The following CLSTN2 variants were observed in gnomAD, a reference collection of about 807,000 sequenced individuals.
CLSTN2 encodes the protein calsyntenin-2.
Under a neutral mutation model 101.2 loss-of-function variants are expected in CLSTN2, and 48 were observed. That is an observed-to-expected ratio of 0.47 (90% CI 0.38 to 0.60). The LOEUF (loss-of-function observed/expected upper bound fraction) is 0.60. Among genes scored for constraint, CLSTN2 ranks in the 20% least tolerant of loss-of-function variants. The pLI, the probability that CLSTN2 is intolerant of heterozygous loss-of-function variation, is 0.00. For missense variants in CLSTN2, 1,160 were observed against 1,238.2 expected, an observed-to-expected ratio of 0.94 and a Z score of 0.95; for synonymous variants, 481 against 463.6, an observed-to-expected ratio of 1.04 and a Z score of -0.48.
At chr3:140,456,623 C>A (rs1228803418) in intron 6 of CLSTN2, among the ~76,000 whole-genome samples, 2 of 151,980 alleles carry the variant, frequency 1.3e-5, no homozygotes, top group African/African-American at 4.8e-5. Context: ...CCCATCTCTT[C>A]TAAAAATACA....
chr3:140,278,013 G>A (rs1390184129), intron 2 of CLSTN2, among the ~76,000 whole-genome samples: 5 of 152,168 alleles, frequency 3.3e-5, no homozygotes, highest in Non-Finnish European at 2.9e-5. Context: ...CTTAAAGACC[G>A]GCTGTCAGTC....
At chr3:140,096,416 G>A (rs2008870363) in intron 1 of CLSTN2, among the ~76,000 whole-genome samples, 1 of 152,194 alleles carries the variant, frequency 6.6e-6, no homozygotes. Context: ...ACGTGCCAGA[G>A]GATAAATGTC....
At chr3:140,028,720 G>A (rs2007475108) in intron 1 of CLSTN2, among the ~76,000 whole-genome samples, 1 of 152,172 alleles carries the variant, frequency 6.6e-6, no homozygotes, top group Admixed American at 6.5e-5. Flanking sequence ...AATGGTCCCT[G>A]AATGTCTTCT....
At chr3:140,077,370 G>A (rs1190238323) in intron 1 of CLSTN2, among the ~76,000 whole-genome samples, 1 of 152,186 alleles carries the variant, frequency 6.6e-6, no homozygotes. Context: ...ACAGCAGGCT[G>A]ATTGGCTTAT....
intron 6 of CLSTN2, among the ~76,000 whole-genome samples, chr3:140,458,001 C>T (rs1933447077): frequency 6.6e-6 from 1 of 152,192 alleles, no homozygotes; most frequent in Admixed American, 6.5e-5. Context: ...GATACATGCT[C>T]TTCACATAGC....
chr3:140,526,587 CA>C (rs2107776383), intron 8 of CLSTN2, among the ~76,000 whole-genome samples: 1 of 122,118 alleles, frequency 8.2e-6, no homozygotes, highest in Non-Finnish European at 1.7e-5. Context: ...ATGAAACAAA[CA>C]AACAAACAAA....
At chr3:140,436,732 G>A (rs1325238965) in intron 5 of CLSTN2, among the ~76,000 whole-genome samples, 3 of 152,214 alleles carry the variant, frequency 2.0e-5, no homozygotes, top group Non-Finnish European at 4.4e-5. Flanking sequence ...CCTGTCTGGG[G>A]CCTCTAAAAA....
At chr3:140,518,807 G>C (rs1934971469) in intron 8 of CLSTN2, among the ~76,000 whole-genome samples, 1 of 152,184 alleles carries the variant, frequency 6.6e-6, no homozygotes, top group South Asian at 2.1e-4. Flanking sequence ...CCAAGTGGGA[G>C]CTGCAAGTTA....
intron 2 of CLSTN2, among the ~76,000 whole-genome samples, chr3:140,266,550 T>C (rs2086695275): frequency 6.6e-6 from 1 of 152,220 alleles, no homozygotes; most frequent in Admixed American, 6.5e-5. Flanking sequence ...ACTGGTATTC[T>C]GTTTACCTAT....
In CLSTN2 at chr3:140,127,063, T is replaced by TTATATGTATCATATGTC. The variant is rs1252150703; in HGVS notation, c.110-48888_110-48887insTATATGTATCATATGTC. Among the ~76,000 whole-genome samples, 1,129 of 147,014 alleles carry TTATATGTATCATATGTC rather than the reference T, an allele frequency of 7.7e-3. 9 individuals carry two copies. Among genetic ancestry groups the TTATATGTATCATATGTC allele is most frequent in the African/African-American group, 0.027 (1,064 of 39,018 alleles). ...GTGTCATTATATGTATCATATGTCA[T>TTATATGTATCATATGTC]ATATATATATGTCATTCCTTCTCAC... is the stretch of plus-strand genomic sequence containing the variant. On this transcript the variant is annotated intron_variant, in intron 1 of 16. Transcript: ENST00000458420.
At chr3:140,344,910 C>G (rs563282468) in intron 2 of CLSTN2, among the ~76,000 whole-genome samples, 9 of 152,340 alleles carry the variant, frequency 5.9e-5, no homozygotes, top group African/African-American at 2.2e-4. Flanking sequence ...CTTCTCTACA[C>G]TGATGGCTCT....
chr3:140,473,820 C>T (rs1176080623), intron 8 of CLSTN2, among the ~76,000 whole-genome samples: 4 of 151,842 alleles, frequency 2.6e-5, no homozygotes, highest in East Asian at 3.9e-4. Context: ...TGCAGTGGTG[C>T]GATCTTGGCT....
rs188947546 is a variant in CLSTN2, at chr3:140,436,895, A to C, written c.788-11624A>C. Among the ~76,000 whole-genome samples the C allele has an allele frequency of 1.1e-4, 17 of 152,210 alleles. 1 individual carries two copies. The highest frequency in any genetic ancestry group is 3.4e-3 in the Middle Eastern group (1 of 294). ...TTTAGTAACAAGGCTCTGCTGGTGG[A>C]CAGTGCTGAGAAAGCTGTGTTCCCT... On this transcript the variant is annotated intron_variant, in intron 5 of 16. Transcript: ENST00000458420.
rs746385044 is a variant in CLSTN2, at chr3:140,403,620, C to T, written c.233-9C>T. The T allele has an allele frequency of 1.3e-6, 2 of 1,599,206 alleles. No individual in the cohort carries two copies. Among genetic ancestry groups the T allele is most frequent in the Non-Finnish European group, 1.7e-6 (2 of 1,171,450 alleles). On this transcript the variant is annotated splice_polypyrimidine_tract_variant and intron_variant, in intron 2 of 16. Transcript: ENST00000458420. Reference sequence around the variant, plus strand: ...GGATTCCCACTCACTGTTTTCCATCCTTCTGCAGGGGAAATCTGTGCGTTC... The same window carrying T: ...GGATTCCCACTCACTGTTTTCCATCTTTCTGCAGGGGAAATCTGTGCGTTC...
At chr3:140,041,813 T>G (rs1035872443) in intron 1 of CLSTN2, among the ~76,000 whole-genome samples, 2 of 152,164 alleles carry the variant, frequency 1.3e-5, no homozygotes. Context: ...AAATTGTCTG[T>G]CTGGGTCTCT....
intron 2 of CLSTN2, 65 bp from the exon 3 acceptor site, chr3:140,403,564 G>T: frequency 7.4e-7 from 1 of 1,359,498 alleles, no homozygotes; most frequent in Non-Finnish European, 1.0e-6. Flanking sequence ...CTGGTCCAAT[G>T]GAAGCACTGT....
intron 2 of CLSTN2, among the ~76,000 whole-genome samples, chr3:140,200,094 C>T (rs1297263800): frequency 3.9e-5 from 6 of 152,136 alleles, no homozygotes; most frequent in Non-Finnish European, 5.9e-5. Context: ...CTGTATTCTA[C>T]GTCTCCCCTT....
At chr3:140,132,020 C>T (rs78057958) in intron 1 of CLSTN2, among the ~76,000 whole-genome samples, 2 of 152,124 alleles carry the variant, frequency 1.3e-5, no homozygotes, top group East Asian at 1.9e-4. Flanking sequence ...ATACAACAAC[C>T]CCCAAAGTAA....
intron 5 of CLSTN2, among the ~76,000 whole-genome samples, chr3:140,433,965 A>T (rs1396406895): frequency 6.6e-6 from 1 of 152,118 alleles, no homozygotes; most frequent in African/African-American, 2.4e-5. Context: ...GGTTGATAAC[A>T]TGTGTAAGAG....
Sources: gnomAD v4.1 joint callset for allele counts (sites outside exome capture counted in the v4.1 genomes callset) on GRCh38, gnomAD v4.1.1 for gene constraint, MANE v1.5 for transcripts, NCBI Gene and HGNC (gene_info 2026-07-23, HGNC 2026-07-21) for gene names.